Variants in PHF21A observed in about 807,000 individuals in gnomAD.
PHF21A encodes BHC80a.
In PHF21A, 11 loss-of-function variants were observed where a neutral mutation model predicts 82.5. That is an observed-to-expected ratio of 0.13 (90% CI 0.08 to 0.22). PHF21A has a LOEUF of 0.22. Among genes scored for constraint, PHF21A ranks in the 10% least tolerant of loss-of-function variants. The pLI, the probability that PHF21A is intolerant of heterozygous loss-of-function variation, is 1.00. For missense variants in PHF21A, 579 were observed against 837.8 expected (o/e 0.69, Z 3.81); for synonymous variants, 297 against 302.8 (o/e 0.98, Z 0.20).
chr11:46,119,483 G>A (rs1018997816), intron 1 of PHF21A, among the ~76,000 whole-genome samples: 1 of 152,138 alleles, frequency 6.6e-6, no homozygotes, highest in Non-Finnish European at 1.5e-5. Flanking sequence ...ACATATGACC[G>A]GAATATGATG....
At chr11:45,958,419 AATATATATATAT>A (rs71308367) in intron 10 of PHF21A, among the ~76,000 whole-genome samples, 2 of 25,030 alleles carry the variant, frequency 8.0e-5, no homozygotes, top group African/African-American at 1.1e-4. Context: ...AAAAAAAAAA[AATATATATATAT>A]ATATATATAT....
chr11:46,030,103 G>C (rs1250560282), intron 6 of PHF21A, among the ~76,000 whole-genome samples: 3 of 152,112 alleles, frequency 2.0e-5, no homozygotes, highest in Admixed American at 6.6e-5. Flanking sequence ...TTTGGACAAA[G>C]AATCAACGCT....
intron 6 of PHF21A, among the ~76,000 whole-genome samples, chr11:45,989,360 T>G (rs2094597204): frequency 6.6e-6 from 1 of 151,904 alleles, no homozygotes; most frequent in African/African-American, 2.4e-5. Context: ...TGGTTAAAAA[T>G]TTAGCTGGGG....
Position 46,084,058 on chromosome 11 carries a change from T to G in PHF21A, c.54+108A>C, listed in dbSNP as rs532090196. On this transcript the variant is annotated intron_variant, in intron 4 of 18. Transcript: ENST00000676320. Reference sequence around the variant, plus strand: ...CAAACGACATGACTCTTGGACAAAATTGTCTTAAAGATTATTAAAAACTAT... The same window carrying G: ...CAAACGACATGACTCTTGGACAAAAGTGTCTTAAAGATTATTAAAAACTAT... 2.0e-4 allele frequency: 160 copies of G among 790,214 alleles called. 1 individual carries two copies. The South Asian group carries it at 3.2e-3, about 16-fold the overall frequency. 49.0% of individuals were successfully genotyped at this position (790,214 alleles called of 1,614,324 possible).
intron 6 of PHF21A, among the ~76,000 whole-genome samples, chr11:46,001,802 G>C (rs1469809747): frequency 6.6e-6 from 1 of 152,098 alleles, no homozygotes; most frequent in South Asian, 2.1e-4. Flanking sequence ...TTGAAGCCCT[G>C]TTTGCATTCC....
rs1430552045 is a variant in PHF21A at position 46,014,808 on chromosome 11, G to A, written c.154-34842C>T. Among the ~76,000 whole-genome samples, 14 of 101,090 alleles carry A rather than the reference G, an allele frequency of 1.4e-4. 4 individuals carry two copies. The South Asian group carries it at 3.1e-3, about 22-fold the overall frequency. The allele number at this position is 101,090 out of a possible 152,430, so 66.3% of individuals were successfully genotyped here. ...ATCCCGGCTAAAACGGTGAAACCCC[G>A]TCTCTACTAAAAATACAAAAAATTA... On this transcript the variant is annotated intron_variant, in intron 6 of 18. Coordinates refer to ENST00000676320, the MANE Select transcript of PHF21A (RefSeq NM_001352027.3).
chr11:45,970,622 G>C (rs2093689277), intron 8 of PHF21A: 2 of 152,684 alleles, frequency 1.3e-5, no homozygotes, highest in Admixed American at 1.3e-4. Context: ...CACTGACACG[G>C]TTAATTTGTG....
chr11:46,002,384 A>G (rs1389163489), intron 6 of PHF21A, among the ~76,000 whole-genome samples: 1 of 152,196 alleles, frequency 6.6e-6, no homozygotes, highest in Admixed American at 6.5e-5. Context: ...AAATAAACTA[A>G]TTTGTAACTT....
At position 45,929,391 on chromosome 11, in the gene PHF21A, T is replaced by TCC. The variant is rs200626824; in HGVS notation, c.*4575_*4576dup. ...ATACAAATTGATCAGCTGCTCTGTA[T>TCC]CCCCCCCCACCCCCTCAAAACAAAA... On this transcript the variant is annotated 3_prime_UTR_variant, in exon 19 of 19. Coordinates refer to ENST00000676320, the MANE Select transcript of PHF21A (RefSeq NM_001352027.3). 5.9e-5 allele frequency: 9 copies of TCC among 151,568 alleles called. No homozygotes were observed. The highest frequency in any genetic ancestry group is 2.2e-4 in the African/African-American group (9 of 40,534). The allele number at this position is 151,568 out of a possible 1,614,324, so 9.4% of individuals were successfully genotyped here. A position where few individuals can be genotyped will look rare whatever the true frequency, so the allele number is the denominator to read the frequency against.
intron 1 of PHF21A, among the ~76,000 whole-genome samples, chr11:46,100,051 T>C (rs901844934): frequency 6.6e-6 from 1 of 152,208 alleles, no homozygotes; most frequent in African/African-American, 2.4e-5. Context: ...ACAGCTACAA[T>C]ACACTGGGAA....
intron 14 of PHF21A, among the ~76,000 whole-genome samples, chr11:45,948,075 T>C (rs1463081670): frequency 1.3e-5 from 2 of 152,214 alleles, no homozygotes; most frequent in Non-Finnish European, 2.9e-5. Context: ...CCGCTCACTC[T>C]GCAACCTTTC....
Position 46,099,523 on chromosome 11 carries a change from G to GACACACACACACACACACACAC in PHF21A, c.-236-7322_-236-7301dup, listed in dbSNP as rs71038882. On this transcript the variant is annotated intron_variant, in intron 1 of 18. Transcript: ENST00000676320. Reference sequence around the variant, plus strand: ...TGCCTTTCAGGCTATAGAAAAATTAGACACACACACACACACACACACACA... The same window carrying GACACACACACACACACACACAC: ...TGCCTTTCAGGCTATAGAAAAATTAGACACACACACACACACACACACACACACACACACACACACACACACA... Among the ~76,000 whole-genome samples, 242 of 137,664 alleles carry GACACACACACACACACACACAC rather than the reference G, an allele frequency of 1.8e-3. 2 individuals carry two copies. Among genetic ancestry groups the GACACACACACACACACACACAC allele is most frequent in the Middle Eastern group, 7.3e-3 (2 of 274 alleles). 90.3% of individuals were successfully genotyped at this position (137,664 alleles called of 152,430 possible).
At position 45,969,685 on chromosome 11, in the gene PHF21A, C is replaced by T. The variant is rs2093643407; in HGVS notation, c.702+130G>A. On this transcript the variant is annotated intron_variant, in intron 9 of 18. Transcript: ENST00000676320. The stretch of plus-strand genomic sequence containing the variant: ...AACTTCTTCATAGTACAGAAATCAA[C>T]AGTCAGAATGTTTAGCTAAGCGGGA... The T allele has an allele frequency of 4.7e-6, 3 of 634,694 alleles. No homozygotes were observed. The Middle Eastern group carries it at 8.1e-4, about 172-fold the overall frequency. 39.3% of individuals were successfully genotyped at this position (634,694 alleles called of 1,614,324 possible).
At chr11:46,116,597 A>G (rs2097292722) in intron 1 of PHF21A, 1 of 152,032 alleles carries the variant, frequency 6.6e-6, no homozygotes, top group Non-Finnish European at 1.5e-5. Flanking sequence ...GAAACTGACT[A>G]GGCAGCATTT....
chr11:46,076,894 T>C, intron 5 of PHF21A, 75 bp from the exon 6 acceptor site: 1 of 1,149,162 alleles, frequency 8.7e-7, no homozygotes, highest in Non-Finnish European at 1.3e-6. Flanking sequence ...AGACTATGCA[T>C]ACTGCATTAC....
chr11:46,002,632 T>C (rs7950336), intron 6 of PHF21A, among the ~76,000 whole-genome samples: 69,860 of 151,928 alleles, frequency 0.46, 17,862 homozygotes, highest in East Asian at 0.8. Flanking sequence ...TACCATTAGA[T>C]AAAGGGGATG....
intron 18 of PHF21A, chr11:45,934,812 T>G: frequency 2.8e-6 from 1 of 351,792 alleles, no homozygotes; most frequent in Non-Finnish European, 5.6e-6. Context: ...TCTTTTGCCC[T>G]TTTGCCCTCA....
chr11:46,070,062 G>A (rs1402908039), intron 6 of PHF21A, among the ~76,000 whole-genome samples: 1 of 152,146 alleles, frequency 6.6e-6, no homozygotes, highest in East Asian at 1.9e-4. Context: ...ACAGAGTCAG[G>A]AATAGAATCA....
At chr11:46,033,888 G>A (rs1316949628) in intron 6 of PHF21A, among the ~76,000 whole-genome samples, 2 of 152,156 alleles carry the variant, frequency 1.3e-5, no homozygotes, top group Non-Finnish European at 2.9e-5. Context: ...TATCTAGGAG[G>A]AGAACTGGTG....
Sources: gnomAD v4.1 joint callset for allele counts (sites outside exome capture counted in the v4.1 genomes callset) on GRCh38, gnomAD v4.1.1 for gene constraint, MANE v1.5 for transcripts, NCBI Gene and HGNC (gene_info 2026-07-23, HGNC 2026-07-21) for gene names.